The following CNGB1 variants were observed in gnomAD, a reference collection of about 807,000 sequenced individuals.
The protein encoded by CNGB1 is cyclic nucleotide-gated channel beta-1.
A neutral mutation model predicts 151.7 loss-of-function variants in CNGB1; 126 were observed. The ratio of observed to expected loss-of-function variants is 0.83; its 90% CI spans 0.72 to 0.96. The LOEUF (loss-of-function observed/expected upper bound fraction) is 0.96. Among genes scored for constraint, CNGB1 ranks in the 40% least tolerant of loss-of-function variants. CNGB1 has a pLI of 0.00. For missense variants in CNGB1, 1,698 were observed against 1,627.0 expected, an observed-to-expected ratio of 1.04 and a Z score of -0.75; for synonymous variants, 623 against 635.1, an observed-to-expected ratio of 0.98 and a Z score of 0.29.
intron 12 of CNGB1, chr16:57,955,170 C>A: frequency 6.7e-7 from 1 of 1,500,986 alleles, no homozygotes; most frequent in Non-Finnish European, 8.9e-7. Context: ...GTGCAGGTGA[C>A]TCTGGCTCCC....
chr16:57,967,221 C>T lies in CNGB1; in HGVS notation c.66G>A (p.Gln22=). The T allele has an allele frequency of 6.2e-7, 1 of 1,614,198 alleles. No individual in the cohort carries two copies. Among genetic ancestry groups the T allele is most frequent in the Non-Finnish European group, 8.5e-7 (1 of 1,180,030 alleles). Residue 22 remains glutamine (Q), a synonymous_variant, in exon 2 of 33, where the codon CAG becomes CAA. Transcript: ENST00000251102. ...GCTCTGGTTCCACTTCCTCTTCCTC[C>T]TGCATCTTGGTCTTCCGAGGGGTCC... ...PPGTPRKTKM[Q]EEEEVEPEPE...
intron 30 of CNGB1, 49 bp from the exon 31 acceptor site, chr16:57,897,592 G>A (rs774133244): frequency 8.1e-6 from 13 of 1,612,086 alleles, no homozygotes; most frequent in African/African-American, 8.0e-5. Flanking sequence ...TGCCGTTTCG[G>A]TCACATTCAG....
chr16:57,899,336 T>C (rs1960321882), intron 29 of CNGB1, among the ~76,000 whole-genome samples: 1 of 151,866 alleles, frequency 6.6e-6, no homozygotes, highest in African/African-American at 2.4e-5. Context: ...AAAAAAATAA[T>C]AATAATAATA....
At chr16:57,886,647 G>A (rs568758248) in intron 32 of CNGB1, among the ~76,000 whole-genome samples, 19 of 152,264 alleles carry the variant, frequency 1.2e-4, no homozygotes, top group African/African-American at 4.6e-4. Context: ...GAACTCTGCT[G>A]TGTAGACTGT....
In CNGB1 at chr16:57,960,052, G is replaced by A. The variant is rs751416902; in HGVS notation, c.597C>T (p.Arg199=). The A allele has an allele frequency of 6.4e-7, 1 of 1,557,218 alleles. No homozygotes were observed. Among genetic ancestry groups the A allele is most frequent in the African/African-American group, 1.3e-5 (1 of 74,116 alleles). The change falls in exon 10 of 33, where the codon CGC becomes CGT. Residue 199 remains arginine, a synonymous_variant. Transcript: ENST00000251102. ...GAASDPAPPG[R]PQEMGPKLQA... ...GCAGCTTGGGCCCCATTTCCTGGGG[G>A]CGTCCTGGAGGCGCTAAGCAGCGGG...
chr16:57,904,290 C>A (rs562479112), intron 26 of CNGB1, among the ~76,000 whole-genome samples: 3 of 152,120 alleles, frequency 2.0e-5, no homozygotes, highest in African/African-American at 7.2e-5. Flanking sequence ...TACAGTTCCT[C>A]GGTGACGGCG....
At position 57,903,887 on chromosome 16, in the gene CNGB1, G is replaced by A; in HGVS notation, c.2729C>T (p.Pro910Leu). 1 of 1,614,190 alleles carries A rather than the reference G, an allele frequency of 6.2e-7. No homozygotes were observed. The highest frequency in any genetic ancestry group is 8.5e-7 in the Non-Finnish European group (1 of 1,180,036). ...TVKYMNFYKIPKSVQNRVKTW... is the reference protein window; with the variant it reads ...TVKYMNFYKILKSVQNRVKTW... The stretch of plus-strand genomic sequence containing the variant: ...CTTGACGCGGTTCTGCACGGACTTG[G>A]GGATCTTGTAGAAATTCATGTACTT... The change falls in exon 27 of 33, where the codon CCC becomes CTC. Residue 910 changes from proline (P) to leucine (L), a missense_variant. Transcript: ENST00000251102.
chr16:57,962,336 AGGGACCTCTCAGTCATCCCT>A (rs1962278124), intron 7 of CNGB1, among the ~76,000 whole-genome samples: 3 of 152,128 alleles, frequency 2.0e-5, no homozygotes, highest in Admixed American at 6.5e-5. Context: ...GGCCCCACCC[AGGGACCTCTCAGTCATCCCT>A]GGGAACACCC....
chr16:57,944,126 G>T (rs550060230), intron 14 of CNGB1, among the ~76,000 whole-genome samples: 60 of 152,170 alleles, frequency 3.9e-4, no homozygotes, highest in South Asian at 1.0e-3. Flanking sequence ...GACCTCAGGT[G>T]ATCCACCTGC....
At chr16:57,892,318 C>A (rs1255847922) in intron 31 of CNGB1, among the ~76,000 whole-genome samples, 2 of 152,122 alleles carry the variant, frequency 1.3e-5, no homozygotes, top group African/African-American at 4.8e-5. Flanking sequence ...CCATGAATCA[C>A]AAGGGTCCAC....
intron 25 of CNGB1, among the ~76,000 whole-genome samples, chr16:57,908,300 G>A (rs895081747): frequency 2.0e-5 from 3 of 152,364 alleles, no homozygotes; most frequent in Middle Eastern, 3.4e-3. Flanking sequence ...GGGAGGGGAC[G>A]TTCTGAACAA....
Position 57,919,081 on chromosome 16 carries a change from C to G in CNGB1, c.1957+18G>C. On this transcript the variant is annotated intron_variant, in intron 20 of 32. Transcript: ENST00000251102. Reference sequence around the variant, plus strand: ...CTCTCATCTTACACAGTGGGAACACCCATTCCCCAGGACTCACTGGTCAGC... The same window carrying G: ...CTCTCATCTTACACAGTGGGAACACGCATTCCCCAGGACTCACTGGTCAGC... The G allele has an allele frequency of 6.2e-7, 1 of 1,614,180 alleles. No homozygotes were observed. Among genetic ancestry groups the G allele is most frequent in the African/African-American group, 1.3e-5 (1 of 75,066 alleles).
chr16:57,902,923 C>T (rs766538955), intron 27 of CNGB1, among the ~76,000 whole-genome samples: 12 of 152,134 alleles, frequency 7.9e-5, no homozygotes, highest in Non-Finnish European at 1.5e-4. Context: ...CCTAAGCAAC[C>T]CAAGAGGTGC....
chr16:57,904,203 C>T (rs893641797), intron 26 of CNGB1, among the ~76,000 whole-genome samples: 1 of 152,082 alleles, frequency 6.6e-6, no homozygotes, highest in East Asian at 1.9e-4. Flanking sequence ...GGGAGACTGC[C>T]AGCCCCTTGG....
intron 13 of CNGB1, 94 bp downstream of exon 13, chr16:57,950,287 G>A: frequency 6.7e-7 from 1 of 1,483,952 alleles, no homozygotes; most frequent in Non-Finnish European, 9.4e-7. Flanking sequence ...CTTGGTTCCT[G>A]CTCTGTGCCT....
At chr16:57,942,416 T>C (rs1961692046) in intron 14 of CNGB1, among the ~76,000 whole-genome samples, 1 of 152,152 alleles carries the variant, frequency 6.6e-6, no homozygotes, top group African/African-American at 2.4e-5. Flanking sequence ...GAAAATTCAG[T>C]AGCATTTCAA....
intron 25 of CNGB1, among the ~76,000 whole-genome samples, chr16:57,908,039 C>A (rs1191221327): frequency 6.6e-6 from 1 of 152,214 alleles, no homozygotes; most frequent in Non-Finnish European, 1.5e-5. Flanking sequence ...CGAGCGTGTA[C>A]CACCATGCCC....
rs778126589 is a variant in CNGB1, at chr16:57,911,735, G to T, written c.2492+18C>A. 19 of 1,613,478 alleles carry T rather than the reference G, an allele frequency of 1.2e-5. No homozygotes were observed. In the East Asian group the frequency reaches 3.8e-4, roughly 32 times the overall value. On this transcript the variant is annotated intron_variant, in intron 25 of 32. Coordinates refer to ENST00000251102, the MANE Select transcript of CNGB1 (RefSeq NM_001297.5). Reference sequence around the variant, plus strand: ...AAGGTCACCCAGGCATGGCCCCAGGGGGAGGACTGTGGCTCACCTGTTTCC... The same window carrying T: ...AAGGTCACCCAGGCATGGCCCCAGGTGGAGGACTGTGGCTCACCTGTTTCC...
Position 57,962,574 on chromosome 16 carries a change from T to G in CNGB1, c.449A>C (p.Gln150Pro). The change falls in exon 7 of 33, where the codon CAA becomes CCA. Residue 150 changes from glutamine to proline, a missense_variant. Transcript: ENST00000251102. ...AGGGATAGGGACTCACCTAGTGTCT[T>G]GGGCCTCAAGGGCCTCATTGGGTTC... The part of the protein sequence containing the change: ...TDEPNEALEA[Q>P]DTRPGLRLLL... 1 of 1,613,972 alleles carries G rather than the reference T, an allele frequency of 6.2e-7. No homozygotes were observed. Among genetic ancestry groups the G allele is most frequent in the South Asian group, 1.1e-5 (1 of 91,078 alleles).
Sources: gnomAD v4.1 joint callset for allele counts (sites outside exome capture counted in the v4.1 genomes callset) on GRCh38, gnomAD v4.1.1 for gene constraint, MANE v1.5 for transcripts, NCBI Gene and HGNC (gene_info 2026-07-23, HGNC 2026-07-21) for gene names.